TMCC1: variants seen among roughly 807,000 people sequenced by gnomAD.
TMCC1 encodes transmembrane and coiled-coil domains protein 1.
Under a neutral mutation model 52.4 loss-of-function variants are expected in TMCC1, and 15 were observed. The ratio of observed to expected loss-of-function variants is 0.29; its 90% CI spans 0.19 to 0.44. The LOEUF (loss-of-function observed/expected upper bound fraction) is 0.44. Among genes scored for constraint, TMCC1 ranks in the 20% least tolerant of loss-of-function variants. TMCC1 has a pLI of 1.00. For missense variants in TMCC1, 503 were observed against 806.0 expected (o/e 0.62, Z 4.55); for synonymous variants, 279 against 301.9 (o/e 0.92, Z 0.79).
intron 4 of TMCC1, among the ~76,000 whole-genome samples, chr3:129,794,558 G>A (rs1560434232): frequency 6.6e-6 from 1 of 151,854 alleles, no homozygotes. Flanking sequence ...GAGAGGGCAG[G>A]GTGGGTGGGG....
chr3:129,756,106 AAAAAAAAAAG>A (rs201173818), intron 4 of TMCC1, among the ~76,000 whole-genome samples: 13,071 of 150,108 alleles, frequency 0.087, 861 homozygotes, highest in East Asian at 0.36. Context: ...TCAAGAAAAA[AAAAAAAAAAG>A]AAAAAAAAAG....
At chr3:129,791,097 T>G (rs1003851361) in intron 4 of TMCC1, among the ~76,000 whole-genome samples, 1 of 146,512 alleles carries the variant, frequency 6.8e-6, no homozygotes, top group East Asian at 2.0e-4. Flanking sequence ...AATTTTTTTT[T>G]TTTTTTTTTT....
chr3:129,844,625 C>T (rs905340811), intron 2 of TMCC1, among the ~76,000 whole-genome samples: 1 of 152,274 alleles, frequency 6.6e-6, no homozygotes, highest in African/African-American at 2.4e-5. Context: ...GAACGGTAAC[C>T]GCAAGAAAGG....
chr3:129,762,743 C>T (rs1379300439), intron 4 of TMCC1, among the ~76,000 whole-genome samples: 1 of 152,046 alleles, frequency 6.6e-6, no homozygotes, highest in Non-Finnish European at 1.5e-5. Flanking sequence ...GATCATACCA[C>T]TGCTTTGCAC....
intron 4 of TMCC1, among the ~76,000 whole-genome samples, chr3:129,679,617 A>C (rs894975243): frequency 1.3e-5 from 2 of 152,108 alleles, no homozygotes; most frequent in Non-Finnish European, 2.9e-5. Context: ...CTTATTTAAA[A>C]TTGCAAATTT....
intron 2 of TMCC1, among the ~76,000 whole-genome samples, chr3:129,862,047 A>C (rs977115560): frequency 1.3e-5 from 2 of 152,246 alleles, no homozygotes; most frequent in African/African-American, 4.8e-5. Flanking sequence ...CAAAATACTG[A>C]TACATGCTAC....
chr3:129,879,232 A>T (rs373690140), intron 2 of TMCC1, among the ~76,000 whole-genome samples: 3 of 152,232 alleles, frequency 2.0e-5, no homozygotes, highest in Non-Finnish European at 2.9e-5. Flanking sequence ...CTTGAGCCCA[A>T]GAGTTCGAGA....
At chr3:129,745,466 C>T (rs1350830875) in intron 4 of TMCC1, among the ~76,000 whole-genome samples, 2 of 152,250 alleles carry the variant, frequency 1.3e-5, no homozygotes, top group African/African-American at 4.8e-5. Flanking sequence ...GAATCCTCCT[C>T]TTCAGAGCAA....
chr3:129,707,456 TA>T (rs1353639027), intron 4 of TMCC1, among the ~76,000 whole-genome samples: 1 of 152,060 alleles, frequency 6.6e-6, no homozygotes, highest in Non-Finnish European at 1.5e-5. Context: ...TAAGAAGCAA[TA>T]AATGTGGAAG....
chr3:129,842,028 C>T (rs945244610), intron 2 of TMCC1, among the ~76,000 whole-genome samples: 3 of 152,092 alleles, frequency 2.0e-5, no homozygotes, highest in Non-Finnish European at 4.4e-5. Context: ...CCTAAGAAGA[C>T]ATAACAATTC....
intron 4 of TMCC1, among the ~76,000 whole-genome samples, chr3:129,762,915 T>C (rs550674199): frequency 2.6e-5 from 4 of 152,186 alleles, no homozygotes; most frequent in East Asian, 3.9e-4. Context: ...AATACCATTA[T>C]AGGCCGGGCG....
At chr3:129,787,390 G>A (rs2056114987) in intron 4 of TMCC1, among the ~76,000 whole-genome samples, 1 of 152,102 alleles carries the variant, frequency 6.6e-6, no homozygotes, top group Non-Finnish European at 1.5e-5. Context: ...CCTATATGAT[G>A]GAACAGACTG....
At chr3:129,857,914 T>G (rs1031836494) in intron 2 of TMCC1, among the ~76,000 whole-genome samples, 3 of 152,220 alleles carry the variant, frequency 2.0e-5, no homozygotes, top group Non-Finnish European at 4.4e-5. Flanking sequence ...ACAATAATCC[T>G]GTGAGGTACT....
chr3:129,856,969 G>A (rs1015672639), intron 2 of TMCC1, among the ~76,000 whole-genome samples: 1 of 151,964 alleles, frequency 6.6e-6, no homozygotes, highest in African/African-American at 2.4e-5. Context: ...CCCACACTGG[G>A]GTGTAATGGC....
chr3:129,745,808 A>G (rs2051895626), intron 4 of TMCC1, among the ~76,000 whole-genome samples: 1 of 151,952 alleles, frequency 6.6e-6, no homozygotes, highest in African/African-American at 2.4e-5. Context: ...CTAAAAATAT[A>G]AAAAAATTAG....
At chr3:129,886,350 T>C (rs939424105) in intron 1 of TMCC1, among the ~76,000 whole-genome samples, 3 of 152,152 alleles carry the variant, frequency 2.0e-5, no homozygotes, top group African/African-American at 7.2e-5. Flanking sequence ...AGTCAAGCCA[T>C]TGGAAAACTT....
At position 129,654,080 on chromosome 3, in the gene TMCC1, A is replaced by G. The variant is rs1292418975; in HGVS notation, c.1647+888T>C. ...CTCCTCAAGGTCATAGCCTTCACTC[A>G]TGAGTTTAAATTAATTCCAAAGTAT... On this transcript the variant is annotated intron_variant, in intron 6 of 6. Transcript: ENST00000393238. Among the ~76,000 whole-genome samples the G allele has an allele frequency of 2.6e-5, 4 of 152,124 alleles. No homozygotes were observed. The East Asian group carries it at 7.7e-4, about 29-fold the overall frequency.
At chr3:129,654,393 C>T (rs534791716) in intron 6 of TMCC1, among the ~76,000 whole-genome samples, 1 of 152,340 alleles carries the variant, frequency 6.6e-6, no homozygotes, top group South Asian at 2.1e-4. Context: ...GGCCCACTTC[C>T]CTTCTCTGAG....
intron 4 of TMCC1, among the ~76,000 whole-genome samples, chr3:129,816,681 G>A (rs1047677081): frequency 6.6e-6 from 1 of 152,090 alleles, no homozygotes; most frequent in African/African-American, 2.4e-5. Flanking sequence ...ATGTTTGATA[G>A]ATCAGTAGGG....
Sources: allele counts gnomAD v4.1 joint callset (sites outside exome capture counted in the v4.1 genomes callset), GRCh38; gene constraint gnomAD v4.1.1; transcripts MANE v1.5; gene names NCBI Gene and HGNC (gene_info 2026-07-23, HGNC 2026-07-21).